Variants in DOCK10 observed in about 807,000 individuals in gnomAD.
DOCK10 encodes the protein dedicator of cytokinesis protein 10.
DOCK10 carries 145 observed loss-of-function variants against 280.1 expected under a neutral mutation model. The observed-to-expected ratio is 0.52, with a 90% CI of 0.45 to 0.59. DOCK10 has a LOEUF of 0.59. Ranked by LOEUF, DOCK10 falls within the 20% of genes least tolerant of loss-of-function variation. The pLI is 0.00. For missense variants in DOCK10, 2,368 were observed against 2,651.7 expected (o/e 0.89, Z 2.35); for synonymous variants, 915 against 942.2 (o/e 0.97, Z 0.53).
intron 7 of DOCK10, among the ~76,000 whole-genome samples, chr2:224,884,125 G>T (rs943985408): frequency 6.6e-6 from 1 of 152,310 alleles, no homozygotes; most frequent in South Asian, 2.1e-4. Context: ...GCTGGCATCT[G>T]TGTTAAAATG....
chr2:224,870,515 C>T (rs1426933477), intron 11 of DOCK10, among the ~76,000 whole-genome samples: 1 of 152,118 alleles, frequency 6.6e-6, no homozygotes, highest in African/African-American at 2.4e-5. Context: ...TCCACTTTGC[C>T]ATGTCTACCA....
chr2:224,967,349 G>A (rs944560027), intron 1 of DOCK10, among the ~76,000 whole-genome samples: 2 of 152,012 alleles, frequency 1.3e-5, no homozygotes, highest in South Asian at 2.1e-4. Context: ...CAAAGTGCTG[G>A]GATTACAGGC....
At chr2:224,875,962 T>A in intron 8 of DOCK10, 76 bp downstream of exon 8, 1 of 1,444,180 alleles carries the variant, frequency 6.9e-7, no homozygotes, top group Non-Finnish European at 9.4e-7. Context: ...GCAACTACAA[T>A]GCCTAGCAGC....
intron 2 of DOCK10, among the ~76,000 whole-genome samples, chr2:224,925,282 G>C (rs1362142355): frequency 6.6e-6 from 1 of 152,100 alleles, no homozygotes; most frequent in Non-Finnish European, 1.5e-5. Flanking sequence ...TTGTGGTTGA[G>C]TCTAGAAGTC....
chr2:224,880,328 G>A (rs189088239), intron 7 of DOCK10, among the ~76,000 whole-genome samples: 141 of 152,252 alleles, frequency 9.3e-4, no homozygotes, highest in African/African-American at 3.4e-3. Flanking sequence ...AGAAGCTTAT[G>A]TTGGGAAAGA....
At chr2:224,886,270 CCT>C in intron 5 of DOCK10, 85 bp from the exon 6 acceptor site, 1 of 1,565,580 alleles carries the variant, frequency 6.4e-7, no homozygotes, top group Non-Finnish European at 8.7e-7. Flanking sequence ...GACTCCTCTT[CCT>C]CTCTTTGACT....
At chr2:224,986,683 C>G (rs1472681530) in intron 1 of DOCK10, among the ~76,000 whole-genome samples, 1 of 152,086 alleles carries the variant, frequency 6.6e-6, no homozygotes, top group Non-Finnish European at 1.5e-5. Flanking sequence ...TGAGAAGGTG[C>G]TATTTGCAAG....
intron 1 of DOCK10, among the ~76,000 whole-genome samples, chr2:224,975,858 T>C (rs1705405619): frequency 6.6e-6 from 1 of 152,212 alleles, no homozygotes; most frequent in Admixed American, 6.5e-5. Context: ...GGGGATTTGC[T>C]GAAGGTCAAA....
intron 1 of DOCK10, among the ~76,000 whole-genome samples, chr2:225,024,001 TC>T (rs1323213488): frequency 2.0e-5 from 3 of 152,174 alleles, no homozygotes; most frequent in Non-Finnish European, 4.4e-5. Context: ...TCCCTCCTGA[TC>T]CGATGTACTA....
At chr2:224,947,945 T>G (rs559096306) in intron 1 of DOCK10, among the ~76,000 whole-genome samples, 1 of 152,378 alleles carries the variant, frequency 6.6e-6, no homozygotes, top group African/African-American at 2.4e-5. Flanking sequence ...ATTAGGGATT[T>G]ACATTTATTA....
At chr2:224,872,964 A>G (rs996313470) in intron 11 of DOCK10, among the ~76,000 whole-genome samples, 3 of 152,232 alleles carry the variant, frequency 2.0e-5, no homozygotes, top group African/African-American at 7.2e-5. Flanking sequence ...TCAACATTTA[A>G]TAACGTTTAT....
chr2:224,916,771 G>A lies in DOCK10; in HGVS notation c.257C>T (p.Ser86Phe), dbSNP rs746943451. The A allele has an allele frequency of 1.9e-6, 3 of 1,609,772 alleles. No homozygotes were observed. Among genetic ancestry groups the A allele is most frequent in the South Asian group, 1.1e-5 (1 of 90,040 alleles). Residue 86 changes from serine to phenylalanine, a missense_variant, in exon 3 of 56, where the codon TCC (serine) becomes TTC (phenylalanine). Around this residue, in one of 2 missense-constraint regions of DOCK10, gnomAD observed 1,209 missense variants for 1,250.9 expected, o/e 0.97. Transcript: ENST00000258390. ...PSDDFSAATV[S>F]WDIRTLYSTV... ...TGAGTACAACGTGCGGATATCCCAG[G>A]AAACTGTGGCTGCCTGAAACGAACA...
intron 3 of DOCK10, among the ~76,000 whole-genome samples, chr2:224,899,176 C>T (rs1185864795): frequency 6.6e-6 from 1 of 152,120 alleles, no homozygotes; most frequent in Non-Finnish European, 1.5e-5. Flanking sequence ...AATGTAGTTC[C>T]CCCTAAGTAT....
intron 39 of DOCK10, among the ~76,000 whole-genome samples, chr2:224,803,578 T>C (rs1693155849): frequency 1.3e-5 from 2 of 152,250 alleles, no homozygotes; most frequent in East Asian, 3.9e-4. Flanking sequence ...AGGTCCTATC[T>C]GCTAGTCAAA....
At chr2:224,809,226 T>C (rs1693605588) in intron 31 of DOCK10, among the ~76,000 whole-genome samples, 1 of 152,174 alleles carries the variant, frequency 6.6e-6, no homozygotes, top group Non-Finnish European at 1.5e-5. Flanking sequence ...TAACCATTAA[T>C]AGTAGTACTT....
rs140584947 is a variant in DOCK10 at position 224,950,519 on chromosome 2, G to A, written c.124-18851C>T. Among the ~76,000 whole-genome samples, 291 of 152,296 alleles carry A rather than the reference G, an allele frequency of 1.9e-3. 1 individual carries two copies. Among genetic ancestry groups the A allele is most frequent in the African/African-American group, 6.5e-3 (269 of 41,546 alleles). On this transcript the variant is annotated intron_variant, in intron 1 of 55. Transcript: ENST00000258390. ...AGGGGGTCCAGCTACTGAGCCCACC[G>A]TCTTAGCCAGAAGGGAAGTTCAAAG...
chr2:224,807,665 T>C lies in DOCK10; in HGVS notation c.3702+3A>G, dbSNP rs1203545135. The C allele has an allele frequency of 9.9e-6, 15 of 1,518,186 alleles. No individual in the cohort carries two copies. Among genetic ancestry groups the C allele is most frequent in the Non-Finnish European group, 1.3e-5 (15 of 1,117,100 alleles). 94.0% of individuals were successfully genotyped at this position (1,518,186 alleles called of 1,614,324 possible). On this transcript the variant is annotated splice_donor_region_variant and intron_variant, in intron 33 of 55. Coordinates refer to ENST00000258390, the MANE Select transcript of DOCK10 (RefSeq NM_014689.3). ...AGAAATGTGACATATTGTGCAAACG[T>C]ACCTGATTAGATGTATTGACAGTAA...
At position 224,885,755 on chromosome 2, in the gene DOCK10, G is replaced by A. The variant is rs1222806305; in HGVS notation, c.663C>T (p.Tyr221=). The A allele has an allele frequency of 6.2e-7, 1 of 1,613,684 alleles. No homozygotes were observed. The highest frequency in any genetic ancestry group is 2.2e-5 in the East Asian group (1 of 44,846). ...FQLTQLPDNS[Y]IMNFYKDEKI... ...TCTCATCTTTGTAAAAGTTCATAAT[G>A]TAGGAGTTATCTGGTAACTGAGTCA... The change falls in exon 7 of 56, where the codon TAC becomes TAT. Residue 221 remains tyrosine (Y), a synonymous_variant. Coordinates refer to ENST00000258390, the MANE Select transcript of DOCK10 (RefSeq NM_014689.3).
chr2:224,805,356 G>A lies in DOCK10; in HGVS notation c.3937-36C>T. ...AAGAACCAATCAGGATTGAGTGAGA[G>A]TGAGTGACCTCTGCCTTGTAATGAT... On this transcript the variant is annotated intron_variant, in intron 35 of 55. Transcript: ENST00000258390. This position sits in a 1 kb window ranked among gnomAD's most constrained non-coding sequence, Gnocchi z 4.3. 3 of 1,612,784 alleles carry A rather than the reference G, an allele frequency of 1.9e-6. No homozygotes were observed. Among genetic ancestry groups the A allele is most frequent in the East Asian group, 2.2e-5 (1 of 44,838 alleles).
Sources: allele counts gnomAD v4.1 joint callset (sites outside exome capture counted in the v4.1 genomes callset), GRCh38; gene constraint gnomAD v4.1.1; regional missense constraint gnomAD v4.1.1; non-coding constraint Gnocchi (gnomAD v3.1); transcripts MANE v1.5; gene names NCBI Gene and HGNC (gene_info 2026-07-23, HGNC 2026-07-21).